PLEKHA4: variants seen among roughly 807,000 people sequenced by gnomAD.
The protein encoded by PLEKHA4 is pleckstrin homology domain-containing family A member 4.
A neutral mutation model predicts 94.7 loss-of-function variants in PLEKHA4; 73 were observed. The observed-to-expected ratio is 0.77, with a 90% CI of 0.64 to 0.94. The LOEUF (loss-of-function observed/expected upper bound fraction) is 0.94, where lower values mean the gene tolerates loss of function less well. Ranked by LOEUF, PLEKHA4 falls within the 40% of genes least tolerant of loss-of-function variation. The pLI, the probability that PLEKHA4 is intolerant of heterozygous loss-of-function variation, is 0.00. For missense variants in PLEKHA4, 1,049 were observed against 1,054.1 expected, an observed-to-expected ratio of 1.00 and a Z score of 0.07; for synonymous variants, 449 against 437.1, an observed-to-expected ratio of 1.03 and a Z score of -0.34.
intron 6 of PLEKHA4, chr19:48,860,049 G>C: frequency 1.8e-6 from 1 of 562,686 alleles, no homozygotes; most frequent in Non-Finnish European, 3.1e-6. Context: ...CAGCTCAGGG[G>C]ACTTCAGAAG....
chr19:48,847,774 T>G (rs756786160), intron 14 of PLEKHA4, 126 bp downstream of exon 14: 99 of 1,126,974 alleles, frequency 8.8e-5, no homozygotes, highest in Non-Finnish European at 1.1e-4. Context: ...CTTCCAGAGG[T>G]TAGGACACTT....
intron 10 of PLEKHA4, 56 bp downstream of exon 10, chr19:48,854,161 A>T: frequency 1.2e-6 from 2 of 1,612,722 alleles, no homozygotes; most frequent in Non-Finnish European, 1.7e-6. Flanking sequence ...CATCATCTAG[A>T]ACATTCTCTC....
chr19:48,860,834 A>C (rs1300781607), intron 5 of PLEKHA4, among the ~76,000 whole-genome samples: 2 of 150,880 alleles, frequency 1.3e-5, no homozygotes, highest in Non-Finnish European at 3.0e-5. Flanking sequence ...AAAGAGAAAG[A>C]AAGAAAGAGA....
rs373851124 is a variant in PLEKHA4 at position 48,856,269 on chromosome 19, G to A, written c.1047+1153C>T. On this transcript the variant is annotated intron_variant, in intron 9 of 19. Coordinates refer to ENST00000263265, the MANE Select transcript of PLEKHA4 (RefSeq NM_020904.3). ...ACGAGGAGGGGAGGGGAAGGGGAAG[G>A]GGAAGGGGGAAAGAAAGAAAGAAAG... 4.6e-5 allele frequency among the ~76,000 whole-genome samples: 7 copies of A among 151,660 alleles called. No individual in the cohort carries two copies. In the South Asian group the frequency reaches 1.5e-3, roughly 32 times the overall value.
Position 48,859,060 on chromosome 19 carries a change from C to T in PLEKHA4, c.772G>A (p.Ala258Thr). The T allele has an allele frequency of 7.8e-7, 1 of 1,278,790 alleles. No homozygotes were observed. Among genetic ancestry groups the T allele is most frequent in the Non-Finnish European group, 1.0e-6 (1 of 995,026 alleles). The allele number at this position is 1,278,790 out of a possible 1,614,324, so 79.2% of individuals were successfully genotyped here. ...PRSAPARRPP[A>T]PSGDTAPPAR... ...GGGGGTGCTGTGTCTCCTGAGGGGG[C>T]AGGGGGTCGCCGCGCAGGGGCAGAA... Residue 258 changes from alanine to threonine, a missense_variant, in exon 8 of 20, where the codon GCC (alanine) becomes ACC (threonine). Coordinates refer to ENST00000263265, the MANE Select transcript of PLEKHA4 (RefSeq NM_020904.3).
chr19:48,838,009 C>A lies in PLEKHA4; in HGVS notation c.2077+8G>T, dbSNP rs1182701324. ...AAACCCAGAAGTCCAACATCCCCAG[C>A]CAGTCACCTGTCATCATTCTGTGCC... On this transcript the variant is annotated splice_region_variant and intron_variant, in intron 19 of 19. Transcript: ENST00000263265. 4 of 1,602,500 alleles carry A rather than the reference C, an allele frequency of 2.5e-6. No homozygotes were observed. The highest frequency in any genetic ancestry group is 3.4e-6 in the Non-Finnish European group (4 of 1,170,342).
rs766099097 is a variant in PLEKHA4, at chr19:48,837,578, A to T, written c.2078-27T>A. The T allele has an allele frequency of 3.1e-5, 50 of 1,612,014 alleles. No individual in the cohort carries two copies. The highest frequency in any genetic ancestry group is 4.2e-5 in the Non-Finnish European group (50 of 1,179,416). On this transcript the variant is annotated intron_variant, in intron 19 of 19. Coordinates refer to ENST00000263265, the MANE Select transcript of PLEKHA4 (RefSeq NM_020904.3). This position sits in a 1 kb window ranked among gnomAD's most constrained non-coding sequence, Gnocchi z 4.3. ...TGGAGAGGATGAGTGGGACATGAGA[A>T]TGGCAAACCTCAGCGCTAGGACCCC...
At position 48,837,174 on chromosome 19, in the gene PLEKHA4, C is replaced by G. The variant is rs2035556287; in HGVS notation, c.*115G>C. ...TTGGCCATAGAAACCATTCCCCTCCCGGGCCCGCAATGGGGACCAGACCAC... is the reference window on the plus strand; with the variant it reads ...TTGGCCATAGAAACCATTCCCCTCCGGGGCCCGCAATGGGGACCAGACCAC... On this transcript the variant is annotated 3_prime_UTR_variant, in exon 20 of 20. Transcript: ENST00000263265. This position sits in a 1 kb window ranked among gnomAD's most constrained non-coding sequence, Gnocchi z 4.3. 2 of 1,473,760 alleles carry G rather than the reference C, an allele frequency of 1.4e-6. No homozygotes were observed. The highest frequency in any genetic ancestry group is 1.4e-5 in the African/African-American group (1 of 70,974). The allele number at this position is 1,473,760 out of a possible 1,614,324, so 91.3% of individuals were successfully genotyped here.
intron 17 of PLEKHA4, 22 bp downstream of exon 17, chr19:48,841,127 G>A: frequency 6.3e-7 from 1 of 1,599,084 alleles, no homozygotes; most frequent in Non-Finnish European, 8.5e-7. Context: ...CCACCGCCCA[G>A]CCCCAGCCCT....
At chr19:48,856,672 C>T (rs1387291788) in intron 9 of PLEKHA4, among the ~76,000 whole-genome samples, 6 of 151,830 alleles carry the variant, frequency 4.0e-5, no homozygotes, top group East Asian at 3.9e-4. Context: ...GAACCGAGAT[C>T]GCGCCACTGC....
chr19:48,852,495 C>T (rs1045345868), intron 12 of PLEKHA4, among the ~76,000 whole-genome samples, 169 bp from the exon 13 acceptor site: 1 of 152,084 alleles, frequency 6.6e-6, no homozygotes. Context: ...TACTGGGAAC[C>T]CCAAAGTCTG....
At chr19:48,851,759 A>G (rs1490498939) in intron 13 of PLEKHA4, among the ~76,000 whole-genome samples, 1 of 152,058 alleles carries the variant, frequency 6.6e-6, no homozygotes, top group Non-Finnish European at 1.5e-5. Flanking sequence ...GTTCAAGACC[A>G]GCCTGACCAA....
chr19:48,851,597 C>A (rs1205598025), intron 13 of PLEKHA4, among the ~76,000 whole-genome samples: 1 of 151,678 alleles, frequency 6.6e-6, no homozygotes, highest in Non-Finnish European at 1.5e-5. Context: ...GCCCGGGCAA[C>A]AAGAGTAAAA....
chr19:48,850,241 C>T (rs1395601078), intron 13 of PLEKHA4, among the ~76,000 whole-genome samples: 3 of 151,668 alleles, frequency 2.0e-5, no homozygotes, highest in Non-Finnish European at 4.4e-5. Context: ...CGCCGTGACT[C>T]ACGCCTGTAA....
At chr19:48,854,726 G>C (rs1346233759) in intron 9 of PLEKHA4, among the ~76,000 whole-genome samples, 3 of 90,666 alleles carry the variant, frequency 3.3e-5, no homozygotes, top group Admixed American at 1.5e-4. Flanking sequence ...TTTTTTTTGA[G>C]TCAAGGTCTG....
At position 48,860,263 on chromosome 19, in the gene PLEKHA4, G is replaced by T. The variant is rs1041143474; in HGVS notation, c.476+87C>A. ...AGAAGACTGGTGATTGGACACTCAA[G>T]GGGGCAGGGCCCCAAAGGGGAGGAG... On this transcript the variant is annotated intron_variant, in intron 6 of 19. Transcript: ENST00000263265. The T allele has an allele frequency of 2.6e-5, 30 of 1,144,880 alleles. No homozygotes were observed. The East Asian group carries it at 2.9e-4, about 11-fold the overall frequency. The allele number at this position is 1,144,880 out of a possible 1,614,324, so 70.9% of individuals were successfully genotyped here.
chr19:48,849,672 G>A (rs904902770), intron 13 of PLEKHA4, among the ~76,000 whole-genome samples: 1 of 152,180 alleles, frequency 6.6e-6, no homozygotes, highest in African/African-American at 2.4e-5. Context: ...TGAAAAAGCA[G>A]GTCTGAGGCT....
intron 3 of PLEKHA4, among the ~76,000 whole-genome samples, chr19:48,862,177 T>G (rs572087288): frequency 6.6e-6 from 1 of 150,666 alleles, no homozygotes; most frequent in Non-Finnish European, 1.5e-5. Context: ...AATAGAATAG[T>G]AGCCCTACTT....
At position 48,858,853 on chromosome 19, in the gene PLEKHA4, T is replaced by C; in HGVS notation, c.972+7A>G. On this transcript the variant is annotated splice_region_variant and intron_variant, in intron 8 of 19. Transcript: ENST00000263265. ...CGTAGTCCCCTCCTTCTCACCTCTC[T>C]GCTCACCTGTGTTCTGGGCTCCTGA... The C allele has an allele frequency of 6.2e-7, 1 of 1,613,344 alleles. No individual in the cohort carries two copies. Among genetic ancestry groups the C allele is most frequent in the African/African-American group, 1.3e-5 (1 of 74,900 alleles).
Sources: allele counts gnomAD v4.1 joint callset (sites outside exome capture counted in the v4.1 genomes callset), GRCh38; gene constraint gnomAD v4.1.1; non-coding constraint Gnocchi (gnomAD v3.1); transcripts MANE v1.5; gene names NCBI Gene and HGNC (gene_info 2026-07-23, HGNC 2026-07-21).